HIGD1C: variants seen among roughly 807,000 people sequenced by gnomAD.
HIGD1C encodes the protein HIG1 domain family member 1C.
Under a neutral mutation model 13.1 loss-of-function variants are expected in HIGD1C, and 11 were observed. That is an observed-to-expected ratio of 0.84 (90% CI 0.53 to 1.39). The LOEUF (loss-of-function observed/expected upper bound fraction) is 1.39, where lower values mean the gene tolerates loss of function less well. Among genes scored for constraint, HIGD1C ranks in the 40% most tolerant of loss-of-function variants. The probability of loss-of-function intolerance (pLI) is 0.00; values close to 1 mark genes in which losing one functional copy is unlikely to be tolerated. For missense variants in HIGD1C, 110 were observed against 112.0 expected (o/e 0.98, Z 0.08); for synonymous variants, 36 against 37.7 (o/e 0.95, Z 0.17).
chr12:50,965,017 C>T (rs1344770348), intron 2 of HIGD1C, among the ~76,000 whole-genome samples: 2 of 152,220 alleles, frequency 1.3e-5, no homozygotes, highest in Non-Finnish European at 2.9e-5. Context: ...CCCATTGCAT[C>T]TAGCCACTCT....
chr12:50,963,004 T>C (rs993281977), intron 2 of HIGD1C, among the ~76,000 whole-genome samples: 3 of 144,330 alleles, frequency 2.1e-5, no homozygotes, highest in African/African-American at 8.0e-5. Context: ...TTTGAACTTA[T>C]ATAATTATGA....
At chr12:50,970,326 CCTTT>C in intron 2 of HIGD1C, 112 bp from the exon 5 acceptor site, 4 of 683,934 alleles carry the variant, frequency 5.8e-6, no homozygotes, top group Non-Finnish European at 1.0e-5. Context: ...AGAAGGAGGG[CCTTT>C]GTTTGTTTCT....
the HIGD1C span, among the ~76,000 whole-genome samples, chr12:50,933,815 T>C: frequency 1.3e-5 from 2 of 152,180 alleles, no homozygotes; most frequent in South Asian, 4.1e-4. Context: ...AGTCCAAGGA[T>C]GGGGACTGAA....
chr12:50,967,825 T>C (rs11169637), intron 2 of HIGD1C, among the ~76,000 whole-genome samples: 22,744 of 151,990 alleles, frequency 0.15, 1,901 homozygotes, highest in South Asian at 0.27. Flanking sequence ...ATATAAAAAG[T>C]GATTTAGGCT....
At chr12:50,937,961 C>T in the HIGD1C span, among the ~76,000 whole-genome samples, 343 of 152,232 alleles carry the variant, frequency 2.3e-3, 1 homozygote, top group African/African-American at 7.8e-3. Flanking sequence ...ATTGGCCAAA[C>T]GGTCATCAAT....
At chr12:50,967,488 G>A (rs1939584631) in intron 2 of HIGD1C, among the ~76,000 whole-genome samples, 1 of 152,040 alleles carries the variant, frequency 6.6e-6, no homozygotes, top group African/African-American at 2.4e-5. Context: ...CATTGCCCAA[G>A]CTGGTCTCGA....
At chr12:50,936,409 T>G in the HIGD1C span, among the ~76,000 whole-genome samples, 1 of 152,188 alleles carries the variant, frequency 6.6e-6, no homozygotes, top group Non-Finnish European at 1.5e-5. Context: ...CACACTCAGC[T>G]GGCATTAACT....
chr12:50,950,822 G>A (rs892357282), upstream of HIGD1C, among the ~76,000 whole-genome samples: 6 of 151,028 alleles, frequency 4.0e-5, no homozygotes, highest in Non-Finnish European at 7.4e-5. Context: ...GACTACAGGC[G>A]CCTGCCACCA....
intron 1 of HIGD1C, among the ~76,000 whole-genome samples, chr12:50,956,130 G>A (rs1565956188): frequency 6.6e-6 from 1 of 152,220 alleles, no homozygotes; most frequent in Non-Finnish European, 1.5e-5. Context: ...AGTGGCTCAT[G>A]CCTGTAATCC....
At position 50,963,289 on chromosome 12, in the gene HIGD1C, G is replaced by A. The variant is rs543321395; in HGVS notation, c.229+2187G>A. Among the ~76,000 whole-genome samples, 7 of 143,956 alleles carry A rather than the reference G, an allele frequency of 4.9e-5. No homozygotes were observed. In the East Asian group the frequency reaches 1.4e-3, roughly 30 times the overall value. 94.4% of individuals were successfully genotyped at this position (143,956 alleles called of 152,430 possible). A position where few individuals can be genotyped will look rare whatever the true frequency, so the allele number is the denominator to read the frequency against. On this transcript the variant is annotated intron_variant, in intron 2 of 2. Transcript: ENST00000398455. ...GGAGGCTGAAGTAGGAGAATTGCTC[G>A]AACCTGGGAAGCGGAGGCTGCAGTG...
chr12:50,933,554 T>C, the HIGD1C span, among the ~76,000 whole-genome samples: 1 of 152,266 alleles, frequency 6.6e-6, no homozygotes, highest in African/African-American at 2.4e-5. Context: ...GGGTCATGTC[T>C]GTCCTCCCCT....
intron 2 of HIGD1C, among the ~76,000 whole-genome samples, chr12:50,968,378 T>C (rs4768947): frequency 0.55 from 82,896 of 151,342 alleles, 24,090 homozygotes; most frequent in East Asian, 0.91. Flanking sequence ...CCAGTTACAC[T>C]GATTCTTTTT....
the HIGD1C span, chr12:50,939,858 T>C: frequency 6.6e-6 from 1 of 151,926 alleles, no homozygotes; most frequent in African/African-American, 2.4e-5. Flanking sequence ...TATTTTTCTA[T>C]CAGAAAAGAT....
intron 1 of HIGD1C, among the ~76,000 whole-genome samples, chr12:50,958,101 T>C (rs1939180037): frequency 6.6e-6 from 1 of 150,854 alleles, no homozygotes; most frequent in East Asian, 2.0e-4. Context: ...CTACCATGCC[T>C]GATCCTGTGT....
At chr12:50,961,737 C>T (rs1225833645) in intron 2 of HIGD1C, among the ~76,000 whole-genome samples, 2 of 152,120 alleles carry the variant, frequency 1.3e-5, no homozygotes, top group East Asian at 1.9e-4. Flanking sequence ...ATTTGTTTGG[C>T]CTACATTAAT....
the HIGD1C span, among the ~76,000 whole-genome samples, chr12:50,942,670 C>A: frequency 2.6e-5 from 4 of 151,986 alleles, no homozygotes; most frequent in Non-Finnish European, 5.9e-5. Flanking sequence ...AGTTAAGAGG[C>A]CAGCCTGGGC....
chr12:50,960,639 T>G (rs1939288425), intron 1 of HIGD1C, among the ~76,000 whole-genome samples: 1 of 152,178 alleles, frequency 6.6e-6, no homozygotes, highest in African/African-American at 2.4e-5. Context: ...TTCATTTAAC[T>G]CTCTAAGCAC....
chr12:50,942,729 T>C, the HIGD1C span, among the ~76,000 whole-genome samples: 1 of 151,904 alleles, frequency 6.6e-6, no homozygotes, highest in African/African-American at 2.4e-5. Context: ...CCGGGCATGG[T>C]GGCATGCACC....
the HIGD1C span, among the ~76,000 whole-genome samples, chr12:50,948,672 A>G: frequency 6.7e-6 from 1 of 150,348 alleles, no homozygotes; most frequent in Admixed American, 6.7e-5. Flanking sequence ...GATTGAGACC[A>G]TCCTGACCAA....
Sources: gnomAD v4.1 joint callset for allele counts (sites outside exome capture counted in the v4.1 genomes callset) on GRCh38, gnomAD v4.1.1 for gene constraint, MANE v1.5 for transcripts, NCBI Gene and HGNC (gene_info 2026-07-23, HGNC 2026-07-21) for gene names.